The following COX7B2 variants were observed in gnomAD, a reference collection of about 807,000 sequenced individuals.
COX7B2 encodes cytochrome c oxidase subunit 7B2, also known as cytochrome c oxidase subunit 7B2, mitochondrial.
For synonymous variants in COX7B2, 37 were observed against 32.1 expected, an observed-to-expected ratio of 1.15 and a Z score of -0.51; for missense variants, 109 against 95.9, an observed-to-expected ratio of 1.14 and a Z score of -0.57.
At chr4:46,875,754 A>T (rs1020038457) in intron 1 of COX7B2, among the ~76,000 whole-genome samples, 96 of 151,288 alleles carry the variant, frequency 6.3e-4, no homozygotes, top group African/African-American at 2.2e-3. Context: ...AGCCCATGTC[A>T]CTCTGCTTGG....
At chr4:46,818,480 C>T (rs1356883676) in intron 2 of COX7B2, among the ~76,000 whole-genome samples, 1 of 151,574 alleles carries the variant, frequency 6.6e-6, no homozygotes, top group Non-Finnish European at 1.5e-5. Context: ...AAAAAAAATA[C>T]AAAAAAATTA....
chr4:46,907,992 T>C (rs1400347778), intron 1 of COX7B2, among the ~76,000 whole-genome samples: 3 of 151,714 alleles, frequency 2.0e-5, no homozygotes, highest in African/African-American at 4.8e-5. Context: ...TAGCTGGGAC[T>C]ACAGGCGCGT....
At chr4:46,873,506 C>A (rs561123602) in intron 1 of COX7B2, among the ~76,000 whole-genome samples, 2 of 152,198 alleles carry the variant, frequency 1.3e-5, no homozygotes, top group South Asian at 4.1e-4. Context: ...TTAATGATCA[C>A]CATTCTAACT....
At chr4:46,800,053 G>T (rs774391209) in intron 2 of COX7B2, among the ~76,000 whole-genome samples, 3 of 151,902 alleles carry the variant, frequency 2.0e-5, no homozygotes, top group Non-Finnish European at 4.4e-5. Context: ...AAGAGTTTAG[G>T]AATATAGCTA....
At chr4:46,901,245 CT>C (rs1378996672) in intron 1 of COX7B2, among the ~76,000 whole-genome samples, 8 of 152,160 alleles carry the variant, frequency 5.3e-5, no homozygotes, top group African/African-American at 1.9e-4. Context: ...ACATGGACTG[CT>C]ACTAGAGCAG....
At chr4:46,758,262 A>G (rs1412333839) in intron 2 of COX7B2, among the ~76,000 whole-genome samples, 2 of 128,768 alleles carry the variant, frequency 1.6e-5, no homozygotes, top group African/African-American at 5.5e-5. Context: ...GCTACTTTCT[A>G]ATGAGGTATA....
chr4:46,857,293 A>G (rs1298934242), intron 1 of COX7B2, among the ~76,000 whole-genome samples: 2 of 152,234 alleles, frequency 1.3e-5, no homozygotes, highest in African/African-American at 4.8e-5. Flanking sequence ...ATTACACCAC[A>G]TAGTTAACAA....
intron 1 of COX7B2, among the ~76,000 whole-genome samples, chr4:46,848,243 T>G (rs935926732): frequency 6.6e-6 from 1 of 152,112 alleles, no homozygotes; most frequent in African/African-American, 2.4e-5. Context: ...CTAATTAAAG[T>G]CGGCTCATTT....
chr4:46,799,947 G>C (rs572976504), intron 2 of COX7B2, among the ~76,000 whole-genome samples: 1 of 152,068 alleles, frequency 6.6e-6, no homozygotes, highest in Non-Finnish European at 1.5e-5. Context: ...TATACATCTG[G>C]TGGAATTTGG....
chr4:46,828,880 C>T (rs912550102), intron 2 of COX7B2, among the ~76,000 whole-genome samples: 1 of 152,026 alleles, frequency 6.6e-6, no homozygotes, highest in Admixed American at 6.5e-5. Context: ...TATAAGAGAG[C>T]CCTTGTGCAG....
At chr4:46,897,703 C>T (rs1719845589) in intron 1 of COX7B2, among the ~76,000 whole-genome samples, 1 of 152,068 alleles carries the variant, frequency 6.6e-6, no homozygotes, top group Non-Finnish European at 1.5e-5. Context: ...TAGCCCATTC[C>T]CAATTCATCA....
intron 2 of COX7B2, among the ~76,000 whole-genome samples, chr4:46,743,570 C>G (rs970464183): frequency 1.3e-5 from 2 of 152,118 alleles, no homozygotes; most frequent in African/African-American, 4.8e-5. Flanking sequence ...TTCACTAGTT[C>G]TCTTTGATGT....
intron 2 of COX7B2, among the ~76,000 whole-genome samples, chr4:46,781,925 T>C (rs1337659530): frequency 6.6e-6 from 1 of 152,150 alleles, no homozygotes; most frequent in African/African-American, 2.4e-5. Context: ...CAGCCCTCCA[T>C]GCTCAAGCAC....
At chr4:46,797,811 T>C (rs992127626) in intron 2 of COX7B2, among the ~76,000 whole-genome samples, 4 of 152,186 alleles carry the variant, frequency 2.6e-5, no homozygotes, top group South Asian at 4.1e-4. Context: ...TGAGGTTGCA[T>C]TGCTTGGGCA....
intron 2 of COX7B2, among the ~76,000 whole-genome samples, chr4:46,767,807 CA>C (rs1158660855): frequency 1.6e-4 from 24 of 152,044 alleles, no homozygotes; most frequent in African/African-American, 4.8e-4. Context: ...AACAACATAC[CA>C]AAACTTCTGA....
chr4:46,769,825 G>A (rs959147822), intron 2 of COX7B2, among the ~76,000 whole-genome samples: 1 of 152,050 alleles, frequency 6.6e-6, no homozygotes, highest in Non-Finnish European at 1.5e-5. Flanking sequence ...AACAAATTAG[G>A]TATAGAAAGA....
intron 1 of COX7B2, among the ~76,000 whole-genome samples, chr4:46,858,640 G>C (rs1269677129): frequency 1.3e-5 from 2 of 152,104 alleles, no homozygotes; most frequent in African/African-American, 4.8e-5. Flanking sequence ...AATTTGGGGG[G>C]AGTAGGAGAC....
At chr4:46,804,790 C>G (rs929918000) in intron 2 of COX7B2, among the ~76,000 whole-genome samples, 1 of 152,370 alleles carries the variant, frequency 6.6e-6, no homozygotes, top group South Asian at 2.1e-4. Context: ...CTACCGGGGC[C>G]GCAGGTGGAG....
At chr4:46,784,057 A>T (rs536428122) in intron 2 of COX7B2, among the ~76,000 whole-genome samples, 152 of 152,266 alleles carry the variant, frequency 1.0e-3, no homozygotes, top group African/African-American at 3.5e-3. Context: ...TTTAGGTTAC[A>T]TGTACTTCCA....
Sources: gnomAD v4.1 joint callset for allele counts (sites outside exome capture counted in the v4.1 genomes callset) on GRCh38, gnomAD v4.1.1 for gene constraint, MANE v1.5 for transcripts, NCBI Gene and HGNC (gene_info 2026-07-23, HGNC 2026-07-21) for gene names.